Variants in RGS7 observed in about 807,000 individuals in gnomAD.
The protein encoded by RGS7 is regulator of G-protein signaling 7.
In RGS7, 27 loss-of-function variants were observed where a neutral mutation model predicts 81.1. The observed-to-expected ratio is 0.33, with a 90% CI of 0.25 to 0.46. RGS7 has a LOEUF of 0.46. Among genes scored for constraint, RGS7 ranks in the 20% least tolerant of loss-of-function variants. The pLI is 1.00. For synonymous variants in RGS7, 208 were observed against 207.7 expected (o/e 1.00, Z -0.01); for missense variants, 396 against 607.4 (o/e 0.65, Z 3.66).
chr1:241,285,607 AAGT>A (rs2078765538), intron 2 of RGS7, among the ~76,000 whole-genome samples: 1 of 152,218 alleles, frequency 6.6e-6, no homozygotes, highest in Admixed American at 6.5e-5. Context: ...CAGAGAAGTT[AAGT>A]AGCTTGTCTA....
chr1:241,066,642 C>A (rs2062079507), intron 3 of RGS7, among the ~76,000 whole-genome samples: 1 of 152,184 alleles, frequency 6.6e-6, no homozygotes, highest in Non-Finnish European at 1.5e-5. Flanking sequence ...TATTCACACT[C>A]TTTCCTCTCG....
chr1:241,134,116 T>C (rs2067314766), intron 2 of RGS7, among the ~76,000 whole-genome samples: 1 of 152,234 alleles, frequency 6.6e-6, no homozygotes, highest in Non-Finnish European at 1.5e-5. Flanking sequence ...TGTTTAGATT[T>C]AAATTTAGAA....
At chr1:240,957,101 C>T (rs1258040518) in intron 4 of RGS7, among the ~76,000 whole-genome samples, 1 of 152,122 alleles carries the variant, frequency 6.6e-6, no homozygotes. Context: ...AGGCAGTGGA[C>T]TGGCAGAGGC....
chr1:241,052,850 T>G (rs1163499707), intron 3 of RGS7, among the ~76,000 whole-genome samples: 5 of 152,064 alleles, frequency 3.3e-5, no homozygotes, highest in Non-Finnish European at 5.9e-5. Flanking sequence ...AGCAGCTGTA[T>G]AGCTGAGCTT....
chr1:241,116,623 T>C (rs1000667758), intron 2 of RGS7, among the ~76,000 whole-genome samples: 5 of 152,188 alleles, frequency 3.3e-5, no homozygotes, highest in Non-Finnish European at 5.9e-5. Context: ...AAAGTAAAAT[T>C]TGACCTCTAT....
chr1:240,842,285 G>C (rs1352520713), intron 9 of RGS7, among the ~76,000 whole-genome samples: 2 of 138,512 alleles, frequency 1.4e-5, no homozygotes, highest in Admixed American at 1.6e-4. Flanking sequence ...TGCAACCCCC[G>C]CCTCCCGGTT....
intron 2 of RGS7, among the ~76,000 whole-genome samples, chr1:241,114,167 G>C (rs1293619725): frequency 6.6e-6 from 1 of 152,030 alleles, no homozygotes; most frequent in Non-Finnish European, 1.5e-5. Flanking sequence ...AGTCCAAAAT[G>C]GTCAAGACTC....
Position 240,861,492 on chromosome 1 carries a change from C to A in RGS7, c.609+7095G>T, listed in dbSNP as rs1322570211. ...CTGTTTCTGGCTCATGACTTCTAAT[C>A]TACTTGAATTTATCATTTGCATCAT... is the stretch of plus-strand genomic sequence containing the variant. On this transcript the variant is annotated intron_variant, in intron 9 of 18. Coordinates refer to ENST00000440928, the MANE Select transcript of RGS7 (RefSeq NM_001364886.1). Among the ~76,000 whole-genome samples, 5 of 152,222 alleles carry A rather than the reference C, an allele frequency of 3.3e-5. No homozygotes were observed. The East Asian group carries it at 7.7e-4, about 24-fold the overall frequency.
chr1:241,130,426 T>C (rs1461939882), intron 2 of RGS7, among the ~76,000 whole-genome samples: 1 of 151,932 alleles, frequency 6.6e-6, no homozygotes, highest in Non-Finnish European at 1.5e-5. Flanking sequence ...TTTTAAGAAC[T>C]AGGATGATTT....
intron 6 of RGS7, 35 bp from the exon 7 acceptor site, chr1:240,870,154 T>A (rs774795348): frequency 1.9e-6 from 3 of 1,565,986 alleles, no homozygotes; most frequent in Non-Finnish European, 2.6e-6. Context: ...TGCCTGCTTA[T>A]CAACACCATG....
rs71568983 is a variant in RGS7, at chr1:241,068,224, T to TTGTGTG, written c.175+30436_175+30441dup. Among the ~76,000 whole-genome samples, 27 of 55,814 alleles carry TTGTGTG rather than the reference T, an allele frequency of 4.8e-4. 3 individuals are homozygous for TTGTGTG. Among genetic ancestry groups the TTGTGTG allele is most frequent in the South Asian group, 1.7e-3 (2 of 1,180 alleles). The allele number at this position is 55,814 out of a possible 152,430, so 36.6% of individuals were successfully genotyped here. ...TTTGCTTTTGGGTTCTATCCATAAA[T>TTGTGTG]TGTGTGTGTGTGTGTATATATATAT... On this transcript the variant is annotated intron_variant, in intron 3 of 18. Transcript: ENST00000440928.
intron 2 of RGS7, among the ~76,000 whole-genome samples, chr1:241,322,793 C>CT (rs1481029503): frequency 2.0e-5 from 3 of 152,154 alleles, no homozygotes; most frequent in Admixed American, 2.0e-4. Context: ...GCTATACAGT[C>CT]ATATCACCAA....
chr1:240,842,738 CCTTT>C (rs1292183533), intron 9 of RGS7, among the ~76,000 whole-genome samples: 4 of 151,828 alleles, frequency 2.6e-5, no homozygotes, highest in African/African-American at 7.3e-5. Flanking sequence ...AGTTGCATTT[CCTTT>C]CTTTCTTTCT....
chr1:240,927,692 T>G (rs975217996), intron 6 of RGS7, among the ~76,000 whole-genome samples: 7 of 152,208 alleles, frequency 4.6e-5, no homozygotes, highest in Admixed American at 3.9e-4. Flanking sequence ...TCCTCTCATT[T>G]TTCTCCCATA....
chr1:241,221,176 AAAAG>A (rs896187685), intron 2 of RGS7, among the ~76,000 whole-genome samples: 8 of 146,104 alleles, frequency 5.5e-5, no homozygotes, highest in African/African-American at 1.7e-4. Flanking sequence ...GGAAGGGGAA[AAAAG>A]AAAGAGAGAA....
intron 2 of RGS7, among the ~76,000 whole-genome samples, chr1:241,133,186 AAAG>A (rs1188233454): frequency 3.3e-5 from 5 of 152,340 alleles, no homozygotes; most frequent in African/African-American, 1.2e-4. Context: ...TTACATTTAT[AAAG>A]AATAGAAAAT....
At chr1:240,855,287 C>T (rs1305838799) in intron 9 of RGS7, among the ~76,000 whole-genome samples, 36 of 112,542 alleles carry the variant, frequency 3.2e-4, no homozygotes, top group Non-Finnish European at 5.4e-4. Flanking sequence ...CCAGCCTGGG[C>T]GACAGAGTGA....
At chr1:241,031,834 T>C (rs1279582853) in intron 3 of RGS7, among the ~76,000 whole-genome samples, 1 of 144,718 alleles carries the variant, frequency 6.9e-6, no homozygotes, top group Non-Finnish European at 1.5e-5. Context: ...TTTGTTTTCT[T>C]TGTCATCGTT....
In RGS7 at chr1:241,083,027, C is replaced by A. The variant is rs189960126; in HGVS notation, c.175+15639G>T. On this transcript the variant is annotated intron_variant, in intron 3 of 18. Coordinates refer to ENST00000440928, the MANE Select transcript of RGS7 (RefSeq NM_001364886.1). ...GTCACTTGAGGTCAGGAGTTCAAGA[C>A]CAGCCTGGCCAACATGGTGAAACCC... 8.1e-3 allele frequency among the ~76,000 whole-genome samples: 1,238 copies of A among 152,086 alleles called. 24 individuals are homozygous for A. Among genetic ancestry groups the A allele is most frequent in the African/African-American group, 0.029 (1,205 of 41,504 alleles).
Sources: allele counts gnomAD v4.1 joint callset (sites outside exome capture counted in the v4.1 genomes callset), GRCh38; gene constraint gnomAD v4.1.1; transcripts MANE v1.5; gene names NCBI Gene and HGNC (gene_info 2026-07-23, HGNC 2026-07-21).